Variants in MUC5B observed in about 807,000 individuals in gnomAD.
MUC5B encodes mucin-5B.
In MUC5B, 116 loss-of-function variants were observed where a neutral mutation model predicts 376.9. That is an observed-to-expected ratio of 0.31 (90% CI 0.26 to 0.36). The LOEUF is 0.36. MUC5B is among the 10% of genes least tolerant of loss of function. MUC5B has a pLI of 1.00. For missense variants in MUC5B, 7,165 were observed against 7,769.9 expected (o/e 0.92, Z 2.93); for synonymous variants, 3,517 against 3,390.9 (o/e 1.04, Z -1.29).
At chr11:1,229,669 G>T in intron 9 of MUC5B, 21 bp from the exon 10 acceptor site, 1 of 1,540,276 alleles carries the variant, frequency 6.5e-7, no homozygotes, top group East Asian at 2.4e-5. Context: ...GGCCGGCCCT[G>T]CCTCACGCCG....
At chr11:1,226,458 G>T in intron 3 of MUC5B, 157 bp from the exon 4 acceptor site, 1 of 1,297,494 alleles carries the variant, frequency 7.7e-7, no homozygotes, top group Non-Finnish European at 1.1e-6. Context: ...CAGGGGTCTT[G>T]GAGCAAAACA....
rs1247398977 is a variant in MUC5B at position 1,241,789 on chromosome 11, C to T, written c.4909C>T (p.Pro1637Ser). ...CTCAACGCCGCAGCCTACGAGTAGCCCGGGGCTGACCAGGGCTCCCCCGGC... is the reference window on the plus strand; with the variant it reads ...CTCAACGCCGCAGCCTACGAGTAGCTCGGGGCTGACCAGGGCTCCCCCGGC... Reference protein sequence around the residue: ...LFSTPQPTSSPGLTRAPPAST... With the variant: ...LFSTPQPTSSSGLTRAPPAST... The change falls in exon 31 of 49, where the codon CCG becomes TCG. Residue 1637 changes from proline (P) to serine (S), a missense_variant. Coordinates refer to ENST00000529681, the MANE Select transcript of MUC5B (RefSeq NM_002458.3). 2 of 1,612,176 alleles carry T rather than the reference C, an allele frequency of 1.2e-6. No individual in the cohort carries two copies. The highest frequency in any genetic ancestry group is 2.2e-5 in the East Asian group (1 of 44,818).
chr11:1,244,632 C>A lies in MUC5B; in HGVS notation c.7752C>A (p.Ala2584=), dbSNP rs746785040. ...CCTCCACAGTGCTTACCACCACGGC[C>A]ACCACAACCGGGGCCACCGGCTCTG... is the stretch of plus-strand genomic sequence containing the variant. The part of the protein sequence containing the change: ...VHTSTVLTTT[A]TTTGATGSVA... The change falls in exon 31 of 49, where the codon GCC becomes GCA. Residue 2584 remains alanine (A), a synonymous_variant. Coordinates refer to ENST00000529681, the MANE Select transcript of MUC5B (RefSeq NM_002458.3). The A allele has an allele frequency of 6.2e-7, 1 of 1,613,794 alleles. No homozygotes were observed. The highest frequency in any genetic ancestry group is 8.5e-7 in the Non-Finnish European group (1 of 1,179,810).
rs150698110 is a variant in MUC5B at position 1,232,390 on chromosome 11, C to T, written c.1844-60C>T. 1.2e-3 allele frequency: 1,745 copies of T among 1,514,498 alleles called. 7 individuals carry two copies. Among genetic ancestry groups the T allele is most frequent in the Non-Finnish European group, 9.8e-4 (1,090 of 1,116,846 alleles). 93.8% of individuals were successfully genotyped at this position (1,514,498 alleles called of 1,614,324 possible). ...CCGGGCTGAGGGGGTCGCAGGCCTGCGTGTCAGGGGTGTGGGCTTCGGGGC... is the reference window on the plus strand; with the variant it reads ...CCGGGCTGAGGGGGTCGCAGGCCTGTGTGTCAGGGGTGTGGGCTTCGGGGC... On this transcript the variant is annotated intron_variant, in intron 15 of 48. Coordinates refer to ENST00000529681, the MANE Select transcript of MUC5B (RefSeq NM_002458.3).
At position 1,255,470 on chromosome 11, in the gene MUC5B, G is replaced by C. The variant is rs1389586167; in HGVS notation, c.15978G>C (p.Val5326=). The part of the protein sequence containing the change: ...ISDHCRGRLE[V]PCQSLEAYAE... ...ACCACTGCAGGGGCCGCCTTGAGGT[G>C]CCCTGCCAGAGCCTGGAGGCTTACG... The change falls in exon 37 of 49, where the codon GTG becomes GTC. Residue 5326 remains valine, a synonymous_variant. Coordinates refer to ENST00000529681, the MANE Select transcript of MUC5B (RefSeq NM_002458.3). The C allele has an allele frequency of 6.3e-7, 1 of 1,591,668 alleles. No individual in the cohort carries two copies. Among genetic ancestry groups the C allele is most frequent in the Admixed American group, 1.7e-5 (1 of 57,184 alleles).
chr11:1,246,261 C>CAGG lies in MUC5B; in HGVS notation c.9382_9383insGGA (p.Ser3127_Thr3128insArg). On this transcript the variant is annotated inframe_insertion, in exon 31 of 49. Transcript: ENST00000529681. ...CCAGTTCCATGTCCACCCCCTCCTCCACTCCGGGGACGACCTGGATCCTCA... is the reference window on the plus strand; with the variant it reads ...CCAGTTCCATGTCCACCCCCTCCTCCAGGACTCCGGGGACGACCTGGATCCTCA... 6.2e-7 allele frequency: 1 copy of CAGG among 1,612,792 alleles called. No individual in the cohort carries two copies. Among genetic ancestry groups the CAGG allele is most frequent in the Non-Finnish European group, 8.5e-7 (1 of 1,179,440 alleles).
rs1238283098 is a variant in MUC5B, at chr11:1,234,711, T to G, written c.2630+31T>G. 43 of 179,548 alleles carry G rather than the reference T, an allele frequency of 2.4e-4. No homozygotes were observed. The highest frequency in any genetic ancestry group is 1.7e-3 in the Middle Eastern group (1 of 586). The allele number at this position is 179,548 out of a possible 1,614,324, so 11.1% of individuals were successfully genotyped here. ...TCGTGAGTCTCTCGGAGGCAGCAGG[T>G]GGGGAGGGCGGGGGCGGGGAGGGCA... On this transcript the variant is annotated intron_variant, in intron 21 of 48. Coordinates refer to ENST00000529681, the MANE Select transcript of MUC5B (RefSeq NM_002458.3). The surrounding 1 kb of genome is among the most constrained non-coding windows in gnomAD (Gnocchi z 6.3).
intron 8 of MUC5B, 61 bp downstream of exon 8, chr11:1,228,826 C>A: frequency 1.1e-5 from 5 of 448,696 alleles, no homozygotes; most frequent in Non-Finnish European, 1.6e-5. Context: ...GGGGGAGCGC[C>A]TTGGGGGCCA....
Position 1,236,484 on chromosome 11 carries a change from G to A in MUC5B, c.2979G>A (p.Leu993=), listed in dbSNP as rs1030315638. ...PYKIRYMGIF[L]VIETHGMAVS... ...AGATACGCTACATGGGGATCTTCCT[G>A]GTCATCGAGACCCACGGGATGGCCG... The change falls in exon 24 of 49, where the codon CTG becomes CTA. Residue 993 remains leucine (L), a synonymous_variant. Coordinates refer to ENST00000529681, the MANE Select transcript of MUC5B (RefSeq NM_002458.3). 1.9e-6 allele frequency: 3 copies of A among 1,613,182 alleles called. No homozygotes were observed. In the Admixed American group the frequency reaches 5.0e-5, roughly 27 times the overall value.
chr11:1,240,924 C>T lies in MUC5B; in HGVS notation c.4044C>T (p.Arg1348=), dbSNP rs996375593. The change falls in exon 31 of 49, where the codon CGC becomes CGT. Residue 1348 remains arginine, a synonymous_variant. Transcript: ENST00000529681. ...CRWSSWYNGH[R]PEPGLGGGDF... is the part of the protein sequence containing the mutation. Reference sequence around the variant, plus strand: ...GGTCCAGCTGGTACAATGGGCACCGCCCAGAGCCCGGCCTGGGAGGCGGAG... The same window carrying T: ...GGTCCAGCTGGTACAATGGGCACCGTCCAGAGCCCGGCCTGGGAGGCGGAG... The T allele has an allele frequency of 4.3e-6, 7 of 1,613,080 alleles. No individual in the cohort carries two copies. Among genetic ancestry groups the T allele is most frequent in the Middle Eastern group, 3.4e-4 (2 of 5,958 alleles).
In MUC5B at chr11:1,243,355, C is replaced by A. The variant is rs1278830221; in HGVS notation, c.6475C>A (p.Pro2159Thr). The part of the protein sequence containing the change: ...PSSTPGTTPI[P>T]PVLTTTATTP... ...CTCAACTCCTGGGACAACTCCCATCCCCCCAGTGCTGACCACCACCGCCAC... is the reference window on the plus strand; with the variant it reads ...CTCAACTCCTGGGACAACTCCCATCACCCCAGTGCTGACCACCACCGCCAC... The change falls in exon 31 of 49, where the codon CCC (proline) becomes ACC (threonine). Residue 2159 changes from proline (P) to threonine (T), a missense_variant. Coordinates refer to ENST00000529681, the MANE Select transcript of MUC5B (RefSeq NM_002458.3). 1.3e-6 allele frequency: 2 copies of A among 1,558,580 alleles called. No homozygotes were observed. The highest frequency in any genetic ancestry group is 1.7e-4 in the Middle Eastern group (1 of 5,932).
In MUC5B at chr11:1,229,293, C is replaced by T. The variant is rs780519233; in HGVS notation, c.1100C>T (p.Pro367Leu). ...TGTGTGGACGGCTGCTTCTGCCCCC[C>T]AGGCAGGTCTTGTGTGCCCTGAACC... ...DHCVDGCFCP[P>L]GTVLDDITHS... is the part of the protein sequence containing the mutation. The change falls in exon 9 of 49, where the codon CCA becomes CTA. Residue 367 changes from proline (P) to leucine (L), a missense_variant and splice_region_variant. Physicochemically the swap from Pro to Leu is moderately conservative, Grantham distance 98. Transcript: ENST00000529681. 32 of 1,571,674 alleles carry T rather than the reference C, an allele frequency of 2.0e-5. 1 individual carries two copies. Among genetic ancestry groups the T allele is most frequent in the South Asian group, 1.6e-4 (14 of 86,026 alleles).
chr11:1,223,723 G>A (rs1861811838), intron 1 of MUC5B, among the ~76,000 whole-genome samples: 1 of 152,212 alleles, frequency 6.6e-6, no homozygotes. Context: ...CGACTCCCAC[G>A]GCCCATCTGT....
At chr11:1,233,582 T>G (rs1862083521) in intron 18 of MUC5B, among the ~76,000 whole-genome samples, 1 of 152,168 alleles carries the variant, frequency 6.6e-6, no homozygotes, top group Admixed American at 6.5e-5. Flanking sequence ...CCCAGGGTCC[T>G]GGCTGCTTTG....
intron 1 of MUC5B, among the ~76,000 whole-genome samples, chr11:1,223,943 C>A (rs2735739): frequency 6.6e-6 from 1 of 152,148 alleles, no homozygotes; most frequent in Non-Finnish European, 1.5e-5. Flanking sequence ...AGCTTGGGGT[C>A]TGGGCTGGGC....
Position 1,244,796 on chromosome 11 carries a change from C to T in MUC5B, c.7916C>T (p.Thr2639Ile), listed in dbSNP as rs375998168. 6.2e-6 allele frequency: 10 copies of T among 1,613,418 alleles called. No individual in the cohort carries two copies. Among genetic ancestry groups the T allele is most frequent in the Non-Finnish European group, 8.5e-6 (10 of 1,179,686 alleles). The change falls in exon 31 of 49, where the codon ACA becomes ATA. Residue 2639 changes from threonine to isoleucine, a missense_variant. Thr to Ile is a moderately conservative substitution (Grantham distance 89, BLOSUM62 -1). This residue lies in a region of MUC5B where 141 missense variants were observed against 111.2 expected (regional missense o/e 1.27). Transcript: ENST00000529681. Reference protein sequence around the residue: ...TLPVWISTTTTPTTRGSTVTP... With the variant: ...TLPVWISTTTIPTTRGSTVTP... ...CCAGTGTGGATCAGCACAACCACCA[C>T]ACCCACAACCAGAGGTTCCACGGTG...
chr11:1,239,486 A>T lies in MUC5B; in HGVS notation c.3503A>T (p.Tyr1168Phe). 2 of 1,607,318 alleles carry T rather than the reference A, an allele frequency of 1.2e-6. No individual in the cohort carries two copies. The highest frequency in any genetic ancestry group is 1.7e-6 in the Non-Finnish European group (2 of 1,175,516). ...YNPHGGCEWHYQPCGAPCLKT... is the reference protein window; with the variant it reads ...YNPHGGCEWHFQPCGAPCLKT... ...CCACATGGGGGCTGTGAGTGGCACT[A>T]CCAGCCCTGCGGGGCACCCTGCCTA... The change falls in exon 27 of 49, where the codon TAC (tyrosine) becomes TTC (phenylalanine). Residue 1168 changes from tyrosine (Y) to phenylalanine (F), a missense_variant. Tyr to Phe is a conservative substitution (Grantham distance 22). Transcript: ENST00000529681.
In MUC5B at chr11:1,227,035, G is replaced by T. The variant is rs1861903058; in HGVS notation, c.466G>T (p.Glu156Ter). 1 of 1,609,214 alleles carries T rather than the reference G, an allele frequency of 6.2e-7. No homozygotes were observed. The highest frequency in any genetic ancestry group is 2.2e-5 in the East Asian group (1 of 44,810). ...GSVLINGQRE[E>*]LPYSRTGLLV... is the part of the protein sequence containing the mutation. Reference sequence around the variant, plus strand: ...GAGACCCCGCTGTCTGCGCAGGGAGGAGCTGCCTTACAGCCGCACTGGCCT... The same window carrying T: ...GAGACCCCGCTGTCTGCGCAGGGAGTAGCTGCCTTACAGCCGCACTGGCCT... The change falls in exon 5 of 49, where the codon GAG becomes TAG. Residue 156 changes from glutamate (E) to a stop codon, truncating the protein, a stop_gained. Transcript: ENST00000529681. LOFTEE classifies it high-confidence loss of function.
At position 1,247,079 on chromosome 11, in the gene MUC5B, C is replaced by A. The variant is rs772186309; in HGVS notation, c.10199C>A (p.Thr3400Asn). 12 of 1,562,246 alleles carry A rather than the reference C, an allele frequency of 7.7e-6. 1 individual carries two copies. The highest frequency in any genetic ancestry group is 9.5e-6 in the Non-Finnish European group (11 of 1,153,452). The change falls in exon 31 of 49, where the codon ACC (threonine) becomes AAC (asparagine). Residue 3400 changes from threonine (T) to asparagine (N), a missense_variant. By Grantham distance (65) the Thr-to-Asn change is moderately conservative (BLOSUM62 0). Around this residue, in one of 31 missense-constraint regions of MUC5B, gnomAD observed 939 missense variants for 770.6 expected, o/e 1.22. Transcript: ENST00000529681. ...ACCACGGCCACTACGATCACAGCCA[C>A]CGGCTCCACCACCAACCCCTCCTCA... The part of the protein sequence containing the change: ...LTTTATTITA[T>N]GSTTNPSSTP...
Sources: allele counts gnomAD v4.1 joint callset (sites outside exome capture counted in the v4.1 genomes callset), GRCh38; gene constraint gnomAD v4.1.1; regional missense constraint gnomAD v4.1.1; non-coding constraint Gnocchi (gnomAD v3.1); transcripts MANE v1.5; gene names NCBI Gene and HGNC (gene_info 2026-07-23, HGNC 2026-07-21).